ERC2: variants seen among roughly 807,000 people sequenced by gnomAD.
ERC2 encodes the protein ELKS/RAB6-interacting/CAST family member 2.
In ERC2, 42 loss-of-function variants were observed where a neutral mutation model predicts 114.8. That is an observed-to-expected ratio of 0.37 (90% CI 0.29 to 0.47). The LOEUF is 0.47. ERC2 is among the 20% of genes least tolerant of loss of function. The pLI, the probability that ERC2 is intolerant of heterozygous loss-of-function variation, is 0.99. For synonymous variants in ERC2, 454 were observed against 425.5 expected (o/e 1.07, Z -0.82); for missense variants, 939 against 1,150.7 (o/e 0.82, Z 2.66).
At chr3:56,422,157 G>T (rs1479396065) in intron 2 of ERC2, among the ~76,000 whole-genome samples, 1 of 152,102 alleles carries the variant, frequency 6.6e-6, no homozygotes, top group East Asian at 1.9e-4. Context: ...GGCCAGCGAG[G>T]TACTCTGAAA....
chr3:56,000,516 A>C (rs932411676), intron 10 of ERC2, among the ~76,000 whole-genome samples: 1 of 152,200 alleles, frequency 6.6e-6, no homozygotes, highest in Non-Finnish European at 1.5e-5. Flanking sequence ...AAGAAAAAAT[A>C]CAAAAAGCTA....
intron 17 of ERC2, among the ~76,000 whole-genome samples, chr3:55,646,212 A>G (rs1226536129): frequency 2.0e-5 from 3 of 152,236 alleles, no homozygotes; most frequent in African/African-American, 7.2e-5. Flanking sequence ...CGGTTTGCAG[A>G]AAGTAATTGC....
intron 13 of ERC2, among the ~76,000 whole-genome samples, chr3:55,923,815 A>C (rs2065584196): frequency 6.6e-6 from 1 of 152,098 alleles, no homozygotes; most frequent in African/African-American, 2.4e-5. Context: ...ACCAGCCCTG[A>C]CAGACATCAC....
chr3:55,579,205 C>A (rs1271535986), intron 17 of ERC2, among the ~76,000 whole-genome samples: 1 of 152,154 alleles, frequency 6.6e-6, no homozygotes, highest in African/African-American at 2.4e-5. Context: ...TATTCTTCTA[C>A]AATGTAAATT....
chr3:55,829,272 A>G (rs1259307825), intron 14 of ERC2, among the ~76,000 whole-genome samples: 3 of 152,230 alleles, frequency 2.0e-5, no homozygotes, highest in African/African-American at 7.2e-5. Flanking sequence ...AACTATTATA[A>G]CTATGCTCCT....
chr3:56,262,902 T>A (rs1457526901), intron 3 of ERC2, among the ~76,000 whole-genome samples: 1 of 152,212 alleles, frequency 6.6e-6, no homozygotes, highest in African/African-American at 2.4e-5. Context: ...CCAAAGATTG[T>A]CACTTCTTCT....
Position 55,830,305 on chromosome 3 carries a change from C to A in ERC2, c.2564+58084G>T, listed in dbSNP as rs926768039. Among the ~76,000 whole-genome samples the A allele has an allele frequency of 2.0e-5, 3 of 152,026 alleles. No homozygotes were observed. The East Asian group carries it at 5.8e-4, about 29-fold the overall frequency. On this transcript the variant is annotated intron_variant, in intron 14 of 17. Transcript: ENST00000288221. ...ATTCAGAGAATTTATCAATGGCAGA[C>A]CTACTCTAAAAAAATGATGTTAAAA...
intron 7 of ERC2, among the ~76,000 whole-genome samples, chr3:56,075,230 T>G (rs369798028): frequency 6.6e-6 from 1 of 152,148 alleles, no homozygotes; most frequent in South Asian, 2.1e-4. Context: ...TCTGATTAGA[T>G]CCTGCCAATG....
At chr3:55,772,135 T>C (rs2068252853) in intron 14 of ERC2, among the ~76,000 whole-genome samples, 1 of 152,116 alleles carries the variant, frequency 6.6e-6, no homozygotes, top group East Asian at 1.9e-4. Flanking sequence ...AGAATTACCA[T>C]TTATTTTATT....
At chr3:56,209,314 A>G (rs988194896) in intron 3 of ERC2, among the ~76,000 whole-genome samples, 8 of 152,064 alleles carry the variant, frequency 5.3e-5, no homozygotes, top group Non-Finnish European at 1.0e-4. Context: ...CAGGCCTTCA[A>G]GATGCCTTGC....
chr3:55,728,116 A>T (rs1267847900), intron 15 of ERC2, among the ~76,000 whole-genome samples: 1 of 152,176 alleles, frequency 6.6e-6, no homozygotes, highest in African/African-American at 2.4e-5. Context: ...ATTCATTCAT[A>T]CATTCAACAA....
chr3:55,571,244 G>C (rs2056697420), intron 17 of ERC2, among the ~76,000 whole-genome samples: 1 of 151,860 alleles, frequency 6.6e-6, no homozygotes, highest in Non-Finnish European at 1.5e-5. Context: ...TGACAGCCTA[G>C]CTGTAGCAAG....
At chr3:55,864,337 C>T (rs951976818) in intron 14 of ERC2, among the ~76,000 whole-genome samples, 5 of 149,854 alleles carry the variant, frequency 3.3e-5, no homozygotes, top group African/African-American at 7.3e-5. Flanking sequence ...TGTTATTCAC[C>T]ATTTCTGACT....
intron 14 of ERC2, among the ~76,000 whole-genome samples, chr3:55,866,417 G>GT (rs1370081130): frequency 6.6e-6 from 1 of 152,044 alleles, no homozygotes; most frequent in African/African-American, 2.4e-5. Context: ...CCACATTGTA[G>GT]TTTGTCTCTT....
intron 3 of ERC2, among the ~76,000 whole-genome samples, chr3:56,277,505 C>T (rs1363702692): frequency 6.6e-6 from 1 of 152,112 alleles, no homozygotes; most frequent in Non-Finnish European, 1.5e-5. Flanking sequence ...GCTGAAAACT[C>T]CAGGCTCTCC....
chr3:56,465,766 A>G (rs980130283), intron 1 of ERC2, among the ~76,000 whole-genome samples: 2 of 152,274 alleles, frequency 1.3e-5, no homozygotes, highest in African/African-American at 4.8e-5. Context: ...GGAAATATAT[A>G]ATAAACAGAG....
chr3:55,592,677 G>C (rs1353566668), intron 17 of ERC2, among the ~76,000 whole-genome samples: 1 of 152,114 alleles, frequency 6.6e-6, no homozygotes. Context: ...AATCATCTTG[G>C]ATCCTTGGAT....
chr3:56,285,117 C>T (rs1010867581), intron 3 of ERC2, among the ~76,000 whole-genome samples: 1 of 148,860 alleles, frequency 6.7e-6, no homozygotes, highest in African/African-American at 2.5e-5. Flanking sequence ...CTACCTCCCC[C>T]CAGCACATCT....
chr3:55,832,059 G>A (rs915231891), intron 14 of ERC2, among the ~76,000 whole-genome samples: 8 of 152,302 alleles, frequency 5.3e-5, no homozygotes, highest in Middle Eastern at 3.4e-3. Flanking sequence ...GGGGAGGGGC[G>A]CCCGCCATTG....
Sources: allele counts gnomAD v4.1 joint callset (sites outside exome capture counted in the v4.1 genomes callset), GRCh38; gene constraint gnomAD v4.1.1; transcripts MANE v1.5; gene names NCBI Gene and HGNC (gene_info 2026-07-23, HGNC 2026-07-21).